Variants in UBR1 observed in about 807,000 individuals in gnomAD.
The protein encoded by UBR1 is E3 ubiquitin-protein ligase UBR1.
A neutral mutation model predicts 242.1 loss-of-function variants in UBR1; 102 were observed. The observed-to-expected ratio is 0.42, with a 90% CI of 0.36 to 0.50. UBR1 has a LOEUF of 0.50. Ranked by LOEUF, UBR1 falls within the 20% of genes least tolerant of loss-of-function variation. The pLI is 0.01. For missense variants in UBR1, 1,772 were observed against 2,101.8 expected (o/e 0.84, Z 3.07); for synonymous variants, 675 against 684.8 (o/e 0.99, Z 0.22).
intron 1 of UBR1, among the ~76,000 whole-genome samples, chr15:43,099,456 A>G (rs945432956): frequency 6.6e-6 from 1 of 152,238 alleles, no homozygotes; most frequent in African/African-American, 2.4e-5. Context: ...TCAGCAGGAG[A>G]CAACTTTGGG....
At chr15:43,028,217 G>C (rs2033201929) in intron 21 of UBR1, among the ~76,000 whole-genome samples, 1 of 152,022 alleles carries the variant, frequency 6.6e-6, no homozygotes, top group East Asian at 1.9e-4. Flanking sequence ...TAAAACCAAG[G>C]TAACAAAATT....
chr15:43,096,414 G>A (rs1279303471), intron 1 of UBR1, among the ~76,000 whole-genome samples: 2 of 152,008 alleles, frequency 1.3e-5, no homozygotes, highest in African/African-American at 2.4e-5. Flanking sequence ...CGCCCACCTC[G>A]GCCTCCCAAA....
chr15:42,998,326 A>C (rs1010965974), intron 32 of UBR1, 61 bp from the exon 33 acceptor site: 2 of 1,424,744 alleles, frequency 1.4e-6, no homozygotes, highest in African/African-American at 2.8e-5. Flanking sequence ...GGAAAAGCTG[A>C]ATTTGTATTA....
Position 43,048,482 on chromosome 15 carries a change from C to G in UBR1, c.1449G>C (p.Leu483=), listed in dbSNP as rs2141327496. 1 of 1,611,126 alleles carries G rather than the reference C, an allele frequency of 6.2e-7. No homozygotes were observed. Among genetic ancestry groups the G allele is most frequent in the East Asian group, 2.2e-5 (1 of 44,772 alleles). ...YAVICDLKYI[L]ISKPTIWTER... ...CTGTCCATATTGTGGGTTTGCTGAT[C>G]AGGATATACCTATCGTTTCAAGAAA... The change falls in exon 13 of 47, where the codon CTG becomes CTC. Residue 483 remains leucine (L), a synonymous_variant. Transcript: ENST00000290650.
In UBR1 at chr15:42,970,585, T is replaced by C. The variant is rs761457239; in HGVS notation, c.4392A>G (p.Gln1464=). The C allele has an allele frequency of 1.9e-6, 3 of 1,613,886 alleles. No individual in the cohort carries two copies. The highest frequency in any genetic ancestry group is 2.5e-6 in the Non-Finnish European group (3 of 1,180,014). ...VDTGLPLAQV[Q]EDSEEAHSAS... ...CGGAATGAGCCTCTTCACTGTCTTC[T>C]TGAACCTGAGCAAGGGGTAGGCCTG... Residue 1464 remains glutamine (Q), a synonymous_variant, in exon 40 of 47, where the codon CAA becomes CAG. Coordinates refer to ENST00000290650, the MANE Select transcript of UBR1 (RefSeq NM_174916.3).
chr15:43,012,784 C>T (rs2032942463), intron 29 of UBR1, among the ~76,000 whole-genome samples: 1 of 152,132 alleles, frequency 6.6e-6, no homozygotes, highest in East Asian at 1.9e-4. Context: ...TTTTTAATCA[C>T]TAATATAATC....
At chr15:43,062,210 C>T (rs1159037050) in intron 6 of UBR1, among the ~76,000 whole-genome samples, 2 of 152,086 alleles carry the variant, frequency 1.3e-5, no homozygotes, top group Non-Finnish European at 2.9e-5. Flanking sequence ...AGAGCATTAT[C>T]CACAATAGCA....
chr15:43,047,473 C>G (rs2033500334), intron 13 of UBR1, among the ~76,000 whole-genome samples, 184 bp from the exon 14 acceptor site: 1 of 152,190 alleles, frequency 6.6e-6, no homozygotes, highest in Non-Finnish European at 1.5e-5. Flanking sequence ...AACCGCAAAG[C>G]CCAGCTCTGT....
At chr15:42,959,614 G>C (rs900988205) in intron 43 of UBR1, among the ~76,000 whole-genome samples, 2 of 152,118 alleles carry the variant, frequency 1.3e-5, no homozygotes, top group African/African-American at 4.8e-5. Flanking sequence ...ATGTATAAAA[G>C]GTGTACAGTG....
chr15:43,079,357 ATAAAC>A (rs1427003666), intron 3 of UBR1, among the ~76,000 whole-genome samples: 1 of 152,216 alleles, frequency 6.6e-6, no homozygotes, highest in Non-Finnish European at 1.5e-5. Flanking sequence ...AAATAAGACT[ATAAAC>A]TAAGAAAACT....
chr15:42,956,664 G>A (rs2031927175), intron 44 of UBR1, among the ~76,000 whole-genome samples: 1 of 152,182 alleles, frequency 6.6e-6, no homozygotes, highest in Non-Finnish European at 1.5e-5. Flanking sequence ...CTGGTGAAAT[G>A]CTTGCAGCAT....
intron 27 of UBR1, among the ~76,000 whole-genome samples, chr15:43,020,802 C>T (rs2033100226): frequency 6.6e-6 from 1 of 152,220 alleles, no homozygotes; most frequent in South Asian, 2.1e-4. Context: ...TCCTGGAGTA[C>T]TCTTCCAGAC....
At position 42,984,910 on chromosome 15, in the gene UBR1, ACAGAGGTTTTC is replaced by A. The variant is rs2141273109; in HGVS notation, c.4019_4029del (p.Gly1340ValfsTer7). 6.2e-7 allele frequency: 1 copy of A among 1,612,204 alleles called. No homozygotes were observed. Among genetic ancestry groups the A allele is most frequent in the African/African-American group, 1.3e-5 (1 of 75,000 alleles). ...ACCTGCCTATTTTGAAGTGCTCCAA[ACAGAGGTTTTC>A]CTTCATCTCCCAATAGATTTTCTCA... On this transcript the variant is annotated frameshift_variant, in exon 36 of 47. Transcript: ENST00000290650. LOFTEE classifies it high-confidence loss of function.
At chr15:43,037,930 T>A in intron 16 of UBR1, 47 bp from the exon 17 acceptor site, 1 of 1,542,554 alleles carries the variant, frequency 6.5e-7, no homozygotes, top group African/African-American at 1.4e-5. Flanking sequence ...AGAGCTTAGA[T>A]GTGTCTCCAA....
rs764216862 is a variant in UBR1, at chr15:43,059,124, T to A, written c.1054A>T (p.Ile352Leu). The change falls in exon 9 of 47, where the codon ATA becomes TTA. Residue 352 changes from isoleucine to leucine, a missense_variant. Around this residue, in one of 3 missense-constraint regions of UBR1, gnomAD observed 734 missense variants for 893.3 expected, o/e 0.82. Transcript: ENST00000290650. ...GCATCCCAAAGCATTAACCTGCTTATGAGACAGGGATTCTCCGAGTCAGGT... is the reference window on the plus strand; with the variant it reads ...GCATCCCAAAGCATTAACCTGCTTAAGAGACAGGGATTCTCCGAGTCAGGT... ...EEPDSENPCLISRLMLWDAKL... is the reference protein window; with the variant it reads ...EEPDSENPCLLSRLMLWDAKL... The A allele has an allele frequency of 1.2e-6, 2 of 1,614,180 alleles. No individual in the cohort carries two copies. Among genetic ancestry groups the A allele is most frequent in the East Asian group, 4.5e-5 (2 of 44,882 alleles).
chr15:42,965,511 T>G (rs2032091690), intron 41 of UBR1, among the ~76,000 whole-genome samples: 1 of 151,352 alleles, frequency 6.6e-6, no homozygotes, highest in African/African-American at 2.4e-5. Flanking sequence ...TCACCCAGGC[T>G]GGAGTGCAGT....
intron 46 of UBR1, among the ~76,000 whole-genome samples, chr15:42,946,087 C>T (rs570918106): frequency 5.3e-5 from 8 of 152,264 alleles, no homozygotes; most frequent in South Asian, 2.1e-4. Flanking sequence ...TTCCTTGAGA[C>T]ATTCAAGTCT....
chr15:42,968,431 C>T (rs888607621), intron 40 of UBR1, among the ~76,000 whole-genome samples: 1 of 150,786 alleles, frequency 6.6e-6, no homozygotes, highest in African/African-American at 2.4e-5. Flanking sequence ...TGTAATGTTG[C>T]CCAGGGTGGT....
chr15:42,984,178 C>T (rs78008459), intron 36 of UBR1, among the ~76,000 whole-genome samples, 185 bp from the exon 37 acceptor site: 13 of 152,232 alleles, frequency 8.5e-5, no homozygotes, highest in African/African-American at 3.1e-4. Flanking sequence ...TATGGCCTTG[C>T]TAAATTTCTA....
Sources: allele counts gnomAD v4.1 joint callset (sites outside exome capture counted in the v4.1 genomes callset), GRCh38; gene constraint gnomAD v4.1.1; regional missense constraint gnomAD v4.1.1; transcripts MANE v1.5; gene names NCBI Gene and HGNC (gene_info 2026-07-23, HGNC 2026-07-21).